CRTC1: variants seen among roughly 807,000 people sequenced by gnomAD.
CRTC1 encodes the protein CREB-regulated transcription coactivator 1.
CRTC1 carries 18 observed loss-of-function variants against 66.1 expected under a neutral mutation model. The ratio of observed to expected loss-of-function variants is 0.27; its 90% CI spans 0.19 to 0.40. CRTC1 has a LOEUF of 0.40. Among genes scored for constraint, CRTC1 ranks in the 10% least tolerant of loss-of-function variants. CRTC1 has a pLI of 1.00. For missense variants in CRTC1, 669 were observed against 887.9 expected, an observed-to-expected ratio of 0.75 and a Z score of 3.13; for synonymous variants, 416 against 398.8, an observed-to-expected ratio of 1.04 and a Z score of -0.51.
At chr19:18,738,454 C>A (rs1016720038) in intron 1 of CRTC1, among the ~76,000 whole-genome samples, 3 of 152,148 alleles carry the variant, frequency 2.0e-5, no homozygotes, top group African/African-American at 7.2e-5. Flanking sequence ...GAAATAGGGC[C>A]TCCAGATGAG....
intron 1 of CRTC1, among the ~76,000 whole-genome samples, chr19:18,691,522 CAAA>C (rs60633222): frequency 0.083 from 5,997 of 72,636 alleles, 176 homozygotes; most frequent in Middle Eastern, 0.16. Context: ...CCCTTTTCTC[CAAA>C]AAAAAAAAAA....
intron 1 of CRTC1, among the ~76,000 whole-genome samples, chr19:18,700,495 C>CTT (rs397859461): frequency 6.8e-6 from 1 of 147,340 alleles, no homozygotes; most frequent in East Asian, 2.0e-4. Context: ...CTCTGCCACA[C>CTT]TTTTTTTTTT....
chr19:18,767,292 C>A (rs1018415923), intron 9 of CRTC1, among the ~76,000 whole-genome samples: 1 of 151,988 alleles, frequency 6.6e-6, no homozygotes, highest in Non-Finnish European at 1.5e-5. Flanking sequence ...CTCTGCCTCC[C>A]AGGTTCAAGC....
In CRTC1 at chr19:18,713,140, C is replaced by T. The variant is rs563643075; in HGVS notation, c.126+29312C>T. 3.3e-5 allele frequency among the ~76,000 whole-genome samples: 5 copies of T among 152,174 alleles called. No homozygotes were observed. In the East Asian group the frequency reaches 9.6e-4, roughly 29 times the overall value. ...GTGTCTGGCCTCTCTCACTCAGCAT[C>T]GTGTCTTCAGGCTTCTTCCACGTCG... is the stretch of plus-strand genomic sequence containing the variant. On this transcript the variant is annotated intron_variant, in intron 1 of 13. Coordinates refer to ENST00000321949, the MANE Select transcript of CRTC1 (RefSeq NM_015321.3).
At chr19:18,744,025 C>T (rs969125283) in intron 2 of CRTC1, 11 of 1,489,334 alleles carry the variant, frequency 7.4e-6, no homozygotes, top group Admixed American at 1.7e-5. Context: ...AGGCCCACAG[C>T]CCGGGGGGAG....
intron 1 of CRTC1, among the ~76,000 whole-genome samples, chr19:18,686,475 C>T (rs1053269996): frequency 2.0e-5 from 3 of 152,086 alleles, no homozygotes; most frequent in Non-Finnish European, 4.4e-5. Flanking sequence ...TGGTGAAACC[C>T]GTCTCCACTA....
intron 12 of CRTC1, 140 bp downstream of exon 12, chr19:18,775,126 C>T: frequency 2.4e-6 from 2 of 825,008 alleles, no homozygotes; most frequent in South Asian, 1.7e-5. Context: ...TGCCCCTCGG[C>T]CCCCGCCCCG....
At chr19:18,698,412 G>A (rs2053047114) in intron 1 of CRTC1, among the ~76,000 whole-genome samples, 1 of 145,648 alleles carries the variant, frequency 6.9e-6, no homozygotes, top group Non-Finnish European at 1.5e-5. Context: ...CGCTCAGCAG[G>A]CACACACAAC....
chr19:18,721,492 CTTT>C (rs56049346), intron 1 of CRTC1, among the ~76,000 whole-genome samples: 163 of 122,052 alleles, frequency 1.3e-3, no homozygotes, highest in Admixed American at 1.6e-3. Context: ...CACACCCGGC[CTTT>C]TTTTTTTTTT....
chr19:18,690,943 G>A (rs893897068), intron 1 of CRTC1, among the ~76,000 whole-genome samples: 19 of 151,116 alleles, frequency 1.3e-4, no homozygotes, highest in Admixed American at 1.1e-3. Flanking sequence ...GGAGAATGGC[G>A]TGAACCTGGG....
chr19:18,777,895 G>A lies in CRTC1; in HGVS notation c.*513G>A, dbSNP rs1011066631. 3.4e-5 allele frequency: 9 copies of A among 262,796 alleles called. No individual in the cohort carries two copies. Among genetic ancestry groups the A allele is most frequent in the African/African-American group, 2.0e-4 (9 of 45,596 alleles). 16.3% of individuals were successfully genotyped at this position (262,796 alleles called of 1,614,324 possible). Reference sequence around the variant, plus strand: ...GAGAGTGAGCCCCACGCCGCCCCAGGGAGGAGGCGCCAGAGCGCGGGGCAG... The same window carrying A: ...GAGAGTGAGCCCCACGCCGCCCCAGAGAGGAGGCGCCAGAGCGCGGGGCAG... On this transcript the variant is annotated 3_prime_UTR_variant, in exon 14 of 14. Transcript: ENST00000321949. This position sits in a 1 kb window ranked among gnomAD's most constrained non-coding sequence, Gnocchi z 5.5.
intron 1 of CRTC1, among the ~76,000 whole-genome samples, chr19:18,708,826 G>A (rs2053324484): frequency 6.6e-6 from 1 of 152,208 alleles, no homozygotes; most frequent in Admixed American, 6.5e-5. Flanking sequence ...CCCAGAAGCA[G>A]GAGGACCCTG....
intron 6 of CRTC1, among the ~76,000 whole-genome samples, chr19:18,758,504 A>G (rs1034871047): frequency 6.6e-6 from 1 of 152,120 alleles, no homozygotes; most frequent in African/African-American, 2.4e-5. Context: ...AAGTGTCCTG[A>G]CAGTGCTCCT....
chr19:18,764,320 G>A (rs1342823712), intron 8 of CRTC1, among the ~76,000 whole-genome samples: 1 of 152,226 alleles, frequency 6.6e-6, no homozygotes, highest in Non-Finnish European at 1.5e-5. Context: ...GACCTCACCA[G>A]GGCCTCACTT....
intron 1 of CRTC1, among the ~76,000 whole-genome samples, chr19:18,690,975 G>A (rs1433533214): frequency 2.7e-5 from 4 of 148,860 alleles, no homozygotes; most frequent in African/African-American, 5.0e-5. Context: ...GCAGTGAGCC[G>A]AGATCACGCC....
At position 18,760,152 on chromosome 19, in the gene CRTC1, T is replaced by G. The variant is rs2054582364; in HGVS notation, c.810T>G (p.Pro270=). The change falls in exon 8 of 14, where the codon CCT becomes CCG. Residue 270 remains proline (P), a synonymous_variant. Transcript: ENST00000321949. The surrounding 1 kb of genome is among the most constrained non-coding windows in gnomAD (Gnocchi z 6.2). ...TGGACCCCGAGGAGCCCACCTTCCC[T>G]GCACTGAGCAGCTCCAGCAGCACCG... The part of the protein sequence containing the change: ...TPLDPEEPTF[P]ALSSSSSTGN... 1 of 1,613,778 alleles carries G rather than the reference T, an allele frequency of 6.2e-7. No homozygotes were observed. Among genetic ancestry groups the G allele is most frequent in the East Asian group, 2.2e-5 (1 of 44,862 alleles).
intron 1 of CRTC1, among the ~76,000 whole-genome samples, chr19:18,713,546 T>TGCACCCTTAGGCGTCCTCCTCATGCCCC (rs1555778331): frequency 6.7e-5 from 10 of 150,204 alleles, no homozygotes; most frequent in Non-Finnish European, 1.5e-4. Flanking sequence ...GCTGAGGCCC[T>TGCACCCTTAGGCGTCCTCCTCATGCCCC]GCACCCTTAG....
At chr19:18,705,499 A>G (rs1283404922) in intron 1 of CRTC1, among the ~76,000 whole-genome samples, 1 of 152,012 alleles carries the variant, frequency 6.6e-6, no homozygotes, top group Non-Finnish European at 1.5e-5. Flanking sequence ...TGTGTTTTTA[A>G]TGGAGATGGG....
chr19:18,721,492 CTT>C (rs56049346), intron 1 of CRTC1, among the ~76,000 whole-genome samples: 44,296 of 121,722 alleles, frequency 0.36, 8,249 homozygotes, highest in East Asian at 0.63. Flanking sequence ...CACACCCGGC[CTT>C]TTTTTTTTTT....
Sources: allele counts gnomAD v4.1 joint callset (sites outside exome capture counted in the v4.1 genomes callset), GRCh38; gene constraint gnomAD v4.1.1; non-coding constraint Gnocchi (gnomAD v3.1); transcripts MANE v1.5; gene names NCBI Gene and HGNC (gene_info 2026-07-23, HGNC 2026-07-21).